Variants in RORA observed in about 807,000 individuals in gnomAD.
RORA encodes the protein RAR related orphan receptor A.
A neutral mutation model predicts 69.5 loss-of-function variants in RORA; 7 were observed. The ratio of observed to expected loss-of-function variants is 0.10; its 90% CI spans 0.06 to 0.19. The LOEUF (loss-of-function observed/expected upper bound fraction) is 0.19. Ranked by LOEUF, RORA falls within the 10% of genes least tolerant of loss-of-function variation. The probability of loss-of-function intolerance (pLI) is 1.00; values close to 1 mark genes in which losing one functional copy is unlikely to be tolerated. For missense variants in RORA, 457 were observed against 663.0 expected, an observed-to-expected ratio of 0.69 and a Z score of 3.41; for synonymous variants, 261 against 240.8, an observed-to-expected ratio of 1.08 and a Z score of -0.78.
chr15:60,777,297 G>A (rs2072183555), intron 1 of RORA, among the ~76,000 whole-genome samples: 1 of 152,176 alleles, frequency 6.6e-6, no homozygotes, highest in African/African-American at 2.4e-5. Context: ...CACGGATACG[G>A]AGAAATCACA....
At chr15:60,524,238 A>AT (rs2066272052) in intron 3 of RORA, among the ~76,000 whole-genome samples, 2 of 152,208 alleles carry the variant, frequency 1.3e-5, no homozygotes, top group South Asian at 4.2e-4. Flanking sequence ...GTTGGTTATT[A>AT]TACAACCTTC....
At chr15:60,885,690 G>A (rs907817885) in intron 1 of RORA, among the ~76,000 whole-genome samples, 18 of 152,186 alleles carry the variant, frequency 1.2e-4, no homozygotes, top group African/African-American at 3.9e-4. Context: ...TAGTCTTTAC[G>A]GAATGCAGTA....
intron 1 of RORA, among the ~76,000 whole-genome samples, chr15:60,719,114 G>T (rs1012774417): frequency 8.0e-4 from 15 of 18,828 alleles, no homozygotes; most frequent in Non-Finnish European, 1.2e-3. Flanking sequence ...GTCTTTACTT[G>T]ATCAAATCAA....
At chr15:60,580,193 G>A (rs1227370034) in intron 2 of RORA, among the ~76,000 whole-genome samples, 1 of 152,160 alleles carries the variant, frequency 6.6e-6, no homozygotes, top group Non-Finnish European at 1.5e-5. Context: ...GCATTTTGGA[G>A]TACACATGAT....
intron 1 of RORA, among the ~76,000 whole-genome samples, chr15:60,821,893 G>A (rs1176061499): frequency 6.6e-6 from 1 of 152,222 alleles, no homozygotes; most frequent in African/African-American, 2.4e-5. Flanking sequence ...CTAGCATGTG[G>A]TCAGCTGAGG....
chr15:60,615,122 C>T, intron 2 of RORA: 1 of 1,491,352 alleles, frequency 6.7e-7, no homozygotes, highest in Non-Finnish European at 9.2e-7. Flanking sequence ...TCCACAGCCA[C>T]CCAAGTCCTA....
At chr15:60,994,595 T>C (rs1894472182) in intron 1 of RORA, among the ~76,000 whole-genome samples, 1 of 152,166 alleles carries the variant, frequency 6.6e-6, no homozygotes, top group Admixed American at 6.6e-5. Context: ...GTAGGAGGAT[T>C]TGAGAAGGAG....
intron 1 of RORA, among the ~76,000 whole-genome samples, chr15:60,861,017 A>T (rs1231319579): frequency 2.6e-5 from 4 of 152,172 alleles, no homozygotes; most frequent in Admixed American, 1.3e-4. Context: ...ATTAATAATG[A>T]TGTGCACACA....
intron 8 of RORA, 22 bp from the exon 9 acceptor site, chr15:60,501,091 C>G (rs201941832): frequency 7.2e-7 from 1 of 1,393,748 alleles, no homozygotes; most frequent in Non-Finnish European, 1.0e-6. Context: ...AAAACAAAGA[C>G]AGTTTAGAAT....
chr15:60,856,567 T>G (rs2073382967), intron 1 of RORA, among the ~76,000 whole-genome samples: 1 of 151,854 alleles, frequency 6.6e-6, no homozygotes, highest in Non-Finnish European at 1.5e-5. Context: ...AAGTCATCGA[T>G]GCAAATGAAT....
chr15:60,964,468 G>A (rs1595849407), intron 1 of RORA, among the ~76,000 whole-genome samples: 1 of 152,268 alleles, frequency 6.6e-6, no homozygotes, highest in African/African-American at 2.4e-5. Context: ...TAGTGTGAGG[G>A]TGGGGATGGA....
intron 1 of RORA, among the ~76,000 whole-genome samples, chr15:60,767,372 T>C (rs982932): frequency 0.27 from 40,606 of 152,158 alleles, 6,611 homozygotes; most frequent in Non-Finnish European, 0.36. Flanking sequence ...ACTCTAAATA[T>C]GTCATCTCAT....
At chr15:60,612,598 T>A (rs555266507) in intron 2 of RORA, among the ~76,000 whole-genome samples, 14 of 151,744 alleles carry the variant, frequency 9.2e-5, no homozygotes, top group Non-Finnish European at 1.5e-4. Flanking sequence ...AAGCCTGCTG[T>A]CATACGGAAG....
chr15:61,183,466 G>C lies in RORA; in HGVS notation c.166+45587C>G, dbSNP rs1298924932. 2.0e-5 allele frequency among the ~76,000 whole-genome samples: 3 copies of C among 149,884 alleles called. No homozygotes were observed. The East Asian group carries it at 5.9e-4, about 30-fold the overall frequency. ...AGGAAAATCGCTTGAACCCGGGAGGGAGAAGTTGCAGTGAGCCTGGATCAC... is the reference window on the plus strand; with the variant it reads ...AGGAAAATCGCTTGAACCCGGGAGGCAGAAGTTGCAGTGAGCCTGGATCAC... On this transcript the variant is annotated intron_variant, in intron 1 of 10. Transcript: ENST00000335670.
At chr15:60,895,909 G>A (rs1462345772) in intron 1 of RORA, among the ~76,000 whole-genome samples, 1 of 152,212 alleles carries the variant, frequency 6.6e-6, no homozygotes, top group Non-Finnish European at 1.5e-5. Context: ...TTAAAAATGC[G>A]TAGGTGATTC....
chr15:61,118,733 C>G (rs1381083306), intron 1 of RORA, among the ~76,000 whole-genome samples: 1 of 152,114 alleles, frequency 6.6e-6, no homozygotes. Context: ...TGACGCTACC[C>G]CTGCCAAATA....
intron 1 of RORA, among the ~76,000 whole-genome samples, chr15:61,134,460 C>T (rs150489471): frequency 6.6e-6 from 1 of 152,278 alleles, no homozygotes; most frequent in African/African-American, 2.4e-5. Flanking sequence ...ATAAACTCTG[C>T]AAGGCAGGAG....
At chr15:60,720,378 A>G (rs2071278015) in intron 1 of RORA, among the ~76,000 whole-genome samples, 1 of 152,206 alleles carries the variant, frequency 6.6e-6, no homozygotes, top group Non-Finnish European at 1.5e-5. Context: ...AGAAAGAGGC[A>G]GACGATAGCT....
rs116590064 is a variant in RORA, at chr15:60,917,560, G to A, written c.167-238874C>T. 5.4e-3 allele frequency among the ~76,000 whole-genome samples: 824 copies of A among 152,238 alleles called. 9 individuals carry two copies. Among genetic ancestry groups the A allele is most frequent in the African/African-American group, 0.019 (781 of 41,526 alleles). ...TCCCTCTGGAATTTTCCTAACTGAC[G>A]AGGCATCCACGAGCAGCTCTATCTG... On this transcript the variant is annotated intron_variant, in intron 1 of 10. Coordinates refer to ENST00000335670, the MANE Select transcript of RORA (RefSeq NM_134261.3).
Sources: allele counts gnomAD v4.1 joint callset (sites outside exome capture counted in the v4.1 genomes callset), GRCh38; gene constraint gnomAD v4.1.1; transcripts MANE v1.5; gene names NCBI Gene and HGNC (gene_info 2026-07-23, HGNC 2026-07-21).